Variants in CD109 observed in about 807,000 individuals in gnomAD.
CD109 encodes CD109 molecule.
A neutral mutation model predicts 165.8 loss-of-function variants in CD109; 149 were observed. That is an observed-to-expected ratio of 0.90 (90% CI 0.79 to 1.03). CD109 has a LOEUF of 1.03. CD109 is among the 50% of genes least tolerant of loss of function. CD109 has a pLI of 0.00. For missense variants in CD109, 1,712 were observed against 1,677.8 expected, an observed-to-expected ratio of 1.02 and a Z score of -0.36; for synonymous variants, 585 against 592.1, an observed-to-expected ratio of 0.99 and a Z score of 0.18.
chr6:73,705,953 T>C (rs1405955336), intron 2 of CD109, among the ~76,000 whole-genome samples: 4 of 152,044 alleles, frequency 2.6e-5, no homozygotes, highest in African/African-American at 9.7e-5. Context: ...AAAAGGCACA[T>C]TAGAAAGGTG....
intron 2 of CD109, among the ~76,000 whole-genome samples, chr6:73,703,746 C>T (rs1180112077): frequency 2.1e-5 from 3 of 145,988 alleles, no homozygotes; most frequent in African/African-American, 7.6e-5. Flanking sequence ...TCTTTATGCA[C>T]TATTTGTTCT....
chr6:73,708,695 C>T (rs1202192569), intron 2 of CD109, among the ~76,000 whole-genome samples: 4 of 152,192 alleles, frequency 2.6e-5, no homozygotes, highest in African/African-American at 7.2e-5. Flanking sequence ...GCCATTCTAA[C>T]TGGTGTGAGA....
Position 73,808,079 on chromosome 6 carries a change from C to T in CD109, c.3190-4C>T. 3 of 1,608,202 alleles carry T rather than the reference C, an allele frequency of 1.9e-6. No homozygotes were observed. The highest frequency in any genetic ancestry group is 2.5e-6 in the Non-Finnish European group (3 of 1,178,040). ...AGTAAAAAACATACTTTTTTTCTTC[C>T]AAGCCTAACATTGATGTGCAAGAGT... On this transcript the variant is annotated splice_polypyrimidine_tract_variant and splice_region_variant and intron_variant, in intron 25 of 32. Transcript: ENST00000287097.
chr6:73,817,413 A>T (rs1353672064), intron 30 of CD109, among the ~76,000 whole-genome samples: 1 of 152,124 alleles, frequency 6.6e-6, no homozygotes, highest in Non-Finnish European at 1.5e-5. Context: ...GGCTCAGTGC[A>T]TTGCCAGCAG....
intron 22 of CD109, 93 bp from the exon 23 acceptor site, chr6:73,792,531 CAG>C: frequency 9.8e-7 from 1 of 1,018,886 alleles, no homozygotes; most frequent in Non-Finnish European, 1.5e-6. Context: ...GCTTCAATGA[CAG>C]AGGTCTTCTG....
chr6:73,706,877 AT>A (rs1383648467), intron 2 of CD109, among the ~76,000 whole-genome samples: 2 of 152,238 alleles, frequency 1.3e-5, no homozygotes, highest in Non-Finnish European at 1.5e-5. Context: ...GGCAGAAATG[AT>A]TTAGTATTAC....
At chr6:73,708,582 C>T (rs1300082191) in intron 2 of CD109, among the ~76,000 whole-genome samples, 2 of 152,208 alleles carry the variant, frequency 1.3e-5, no homozygotes, top group Non-Finnish European at 2.9e-5. Context: ...ACCCTGTCTT[C>T]CACAATGGTT....
chr6:73,747,963 G>A (rs914254645), intron 5 of CD109, among the ~76,000 whole-genome samples: 1 of 150,992 alleles, frequency 6.6e-6, no homozygotes, highest in Non-Finnish European at 1.5e-5. Flanking sequence ...TCCACCTCCC[G>A]AGTTCAAGTG....
At chr6:73,799,198 G>A (rs949958546) in intron 23 of CD109, among the ~76,000 whole-genome samples, 4 of 152,182 alleles carry the variant, frequency 2.6e-5, no homozygotes, top group Non-Finnish European at 5.9e-5. Context: ...TAAAGGTTAT[G>A]TGAAAACTAA....
chr6:73,690,634 CAG>C, the CD109 span, among the ~76,000 whole-genome samples: 3 of 152,214 alleles, frequency 2.0e-5, no homozygotes, highest in Non-Finnish European at 4.4e-5. Flanking sequence ...CTCCTGACCT[CAG>C]GTGATCTGCC....
chr6:73,771,929 C>T lies in CD109; in HGVS notation c.1827+348C>T, dbSNP rs73460325. Reference sequence around the variant, plus strand: ...GAGTAGATTTGAAATGTTCTCACCACAAAAAATGATCAGTATGTAGTATGC... The same window carrying T: ...GAGTAGATTTGAAATGTTCTCACCATAAAAAATGATCAGTATGTAGTATGC... On this transcript the variant is annotated intron_variant, in intron 15 of 32. Transcript: ENST00000287097. Among the ~76,000 whole-genome samples, 1,110 of 152,050 alleles carry T rather than the reference C, an allele frequency of 7.3e-3. 24 individuals carry two copies. The highest frequency in any genetic ancestry group is 0.025 in the African/African-American group (1,040 of 41,478).
At position 73,697,478 on chromosome 6, in the gene CD109, C is replaced by CTG. The variant is rs776115906; in HGVS notation, c.154_155dup (p.Pro53AlafsTer5). On this transcript the variant is annotated frameshift_variant, in exon 2 of 33. Coordinates refer to ENST00000287097, the MANE Select transcript of CD109 (RefSeq NM_133493.5). LOFTEE classifies it high-confidence loss of function. ...CTATTGGGGTGGAGCTTCTGGAACACTGCCCTTCACAGGTGACTGTGAAGG... is the reference window on the plus strand; with the variant it reads ...CTATTGGGGTGGAGCTTCTGGAACACTGTGCCCTTCACAGGTGACTGTGAAGG... 1 of 1,614,162 alleles carries CTG rather than the reference C, an allele frequency of 6.2e-7. No homozygotes were observed. Among genetic ancestry groups the CTG allele is most frequent in the Non-Finnish European group, 8.5e-7 (1 of 1,179,996 alleles).
rs751341340 is a variant in CD109, at chr6:73,767,022, T to C, written c.1497+12T>C. On this transcript the variant is annotated intron_variant, in intron 13 of 32. Transcript: ENST00000287097. ...AGTTAAGCTATATGGTAATCTCTTA[T>C]AGAATCTAAATTTATGATCTATTAT... The C allele has an allele frequency of 3.7e-6, 6 of 1,604,732 alleles. No individual in the cohort carries two copies. The highest frequency in any genetic ancestry group is 3.3e-5 in the South Asian group (3 of 90,482).
chr6:73,704,357 G>A (rs1436560517), intron 2 of CD109, among the ~76,000 whole-genome samples: 6 of 152,116 alleles, frequency 3.9e-5, no homozygotes, highest in Admixed American at 1.3e-4. Context: ...GATTCATGGC[G>A]GCGGAGGGAA....
chr6:73,736,879 G>A (rs1189849611), intron 5 of CD109, among the ~76,000 whole-genome samples: 1 of 152,174 alleles, frequency 6.6e-6, no homozygotes, highest in Non-Finnish European at 1.5e-5. Flanking sequence ...TGAGTGATTA[G>A]ATTAACCTAC....
intron 18 of CD109, among the ~76,000 whole-genome samples, chr6:73,783,152 C>T (rs1308944085): frequency 6.6e-6 from 1 of 152,142 alleles, no homozygotes; most frequent in Non-Finnish European, 1.5e-5. Context: ...ACAAAGCATT[C>T]CCAGGAGTCA....
At chr6:73,722,869 A>G (rs570842598) in intron 2 of CD109, among the ~76,000 whole-genome samples, 18 of 152,280 alleles carry the variant, frequency 1.2e-4, no homozygotes, top group Non-Finnish European at 2.5e-4. Context: ...CTTTATCACG[A>G]GGGTATGAGG....
chr6:73,691,823 C>T (rs1010824778), upstream of CD109, among the ~76,000 whole-genome samples: 1 of 152,108 alleles, frequency 6.6e-6, no homozygotes, highest in African/African-American at 2.4e-5. Flanking sequence ...TCTTGCATTG[C>T]TATAAAGTAA....
intron 22 of CD109, among the ~76,000 whole-genome samples, chr6:73,791,136 CATAT>C (rs61429872): frequency 0.044 from 2,463 of 56,088 alleles, 111 homozygotes; most frequent in African/African-American, 0.15. Flanking sequence ...TACATACATA[CATAT>C]ATATATATAT....
Sources: allele counts gnomAD v4.1 joint callset (sites outside exome capture counted in the v4.1 genomes callset), GRCh38; gene constraint gnomAD v4.1.1; transcripts MANE v1.5; gene names NCBI Gene and HGNC (gene_info 2026-07-23, HGNC 2026-07-21).